Variants in CAPG observed in about 807,000 individuals in gnomAD.
CAPG encodes macrophage-capping protein.
A neutral mutation model predicts 44.6 loss-of-function variants in CAPG; 32 were observed. The observed-to-expected ratio is 0.72, with a 90% CI of 0.54 to 0.96. The LOEUF (loss-of-function observed/expected upper bound fraction) is 0.96. Ranked by LOEUF, CAPG falls within the 50% of genes least tolerant of loss-of-function variation. CAPG has a pLI of 0.00. For synonymous variants in CAPG, 175 were observed against 179.6 expected, an observed-to-expected ratio of 0.97 and a Z score of 0.20; for missense variants, 412 against 438.3, an observed-to-expected ratio of 0.94 and a Z score of 0.54.
chr2:85,398,899 C>T (rs1686741636), intron 6 of CAPG, 117 bp from the exon 7 acceptor site: 3 of 869,662 alleles, frequency 3.4e-6, no homozygotes, highest in Non-Finnish European at 5.3e-6. Flanking sequence ...CTAGGGCACC[C>T]AGCAGAGGTG....
intron 1 of CAPG, among the ~76,000 whole-genome samples, chr2:85,417,250 C>T (rs1687575162): frequency 6.6e-6 from 1 of 152,188 alleles, no homozygotes; most frequent in Non-Finnish European, 1.5e-5. Flanking sequence ...CTCATTTAAT[C>T]CTTGCATTTA....
intron 1 of CAPG, among the ~76,000 whole-genome samples, chr2:85,409,574 C>T (rs987439055): frequency 2.6e-5 from 4 of 152,042 alleles, no homozygotes; most frequent in African/African-American, 9.7e-5. Context: ...TGAAACAGCA[C>T]CTCCACTTCT....
chr2:85,399,011 C>G (rs1686745792), intron 6 of CAPG, 125 bp downstream of exon 6: 1 of 1,134,040 alleles, frequency 8.8e-7, no homozygotes, highest in African/African-American at 1.5e-5. Flanking sequence ...GGCCACAGCC[C>G]TAGGCAGTAC....
At chr2:85,392,322 G>A (rs147613917), downstream of CAPG, among the ~76,000 whole-genome samples, 11 of 152,020 alleles carry the variant, frequency 7.2e-5, no homozygotes, top group Middle Eastern at 3.4e-3. Flanking sequence ...CCCGGGAGGC[G>A]GAGTTTGCAG....
rs184298511 is a variant in CAPG at position 85,396,848 on chromosome 2, T to A, written c.892+1172A>T. 3.1e-3 allele frequency among the ~76,000 whole-genome samples: 469 copies of A among 152,278 alleles called. 7 individuals are homozygous for A. Among genetic ancestry groups the A allele is most frequent in the African/African-American group, 0.011 (449 of 41,564 alleles). ...ATACTATGAAATGCCTGGTAGCAGC[T>A]ATCTGTAGATACCCACCTACTTGTC... On this transcript the variant is annotated intron_variant, in intron 8 of 9. Transcript: ENST00000263867.
In CAPG at chr2:85,401,767, C is replaced by G; in HGVS notation, c.196+18G>C. On this transcript the variant is annotated intron_variant, in intron 3 of 9. Transcript: ENST00000263867. ...TCCCCTTCCTGGGCCCAACCTTCCC[C>G]CATCCAGATCCCCTTACCTATCCAC... The G allele has an allele frequency of 6.2e-7, 1 of 1,613,006 alleles. No homozygotes were observed. The highest frequency in any genetic ancestry group is 8.5e-7 in the Non-Finnish European group (1 of 1,179,046).
intron 1 of CAPG, among the ~76,000 whole-genome samples, chr2:85,417,549 C>G (rs1464334239): frequency 6.9e-6 from 1 of 145,238 alleles, no homozygotes; most frequent in Non-Finnish European, 1.5e-5. Context: ...GTGGCACCAT[C>G]TCGGCTCACT....
intron 1 of CAPG, among the ~76,000 whole-genome samples, chr2:85,406,021 G>A (rs1012023813): frequency 6.6e-6 from 1 of 152,208 alleles, no homozygotes; most frequent in Admixed American, 6.5e-5. Flanking sequence ...GGTTTGGCAG[G>A]CCGGGTGCGG....
rs568811797 is a variant in CAPG at position 85,394,884 on chromosome 2, C to T, written c.*9G>A. 44 of 1,607,534 alleles carry T rather than the reference C, an allele frequency of 2.7e-5. No homozygotes were observed. Among genetic ancestry groups the T allele is most frequent in the East Asian group, 6.7e-5 (3 of 44,860 alleles). Reference sequence around the variant, plus strand: ...GGCAGGGGAGCATGGGGCAGGAAGACGCCCACCCTCATTTCCAGTCCTTGA... The same window carrying T: ...GGCAGGGGAGCATGGGGCAGGAAGATGCCCACCCTCATTTCCAGTCCTTGA... On this transcript the variant is annotated 3_prime_UTR_variant, in exon 10 of 10. Transcript: ENST00000263867.
upstream of CAPG, among the ~76,000 whole-genome samples, chr2:85,412,338 G>A (rs752671618): frequency 3.9e-5 from 6 of 152,064 alleles, no homozygotes; most frequent in East Asian, 1.9e-4. Flanking sequence ...TGGTTAAACC[G>A]CCATCTCTAC....
intron 8 of CAPG, among the ~76,000 whole-genome samples, chr2:85,396,889 G>A (rs766993478): frequency 3.3e-5 from 5 of 152,092 alleles, no homozygotes; most frequent in Non-Finnish European, 7.4e-5. Context: ...TCCTGACCAG[G>A]CTAGGGGCTG....
At position 85,401,918 on chromosome 2, in the gene CAPG, C is replaced by T; in HGVS notation, c.63G>A (p.Leu21=). ...PFPGSVQDPG[L]HVWRVEKLKP... is the part of the protein sequence containing the mutation. The stretch of plus-strand genomic sequence containing the variant: ...TCAGCTTCTCCACCCGCCACACATG[C>T]AGGCCTGGATCCTGCACTGAGCCTG... The change falls in exon 3 of 10, where the codon CTG becomes CTA. Residue 21 remains leucine, a synonymous_variant. Transcript: ENST00000263867. 6.2e-7 allele frequency: 1 copy of T among 1,614,100 alleles called. No homozygotes were observed. The highest frequency in any genetic ancestry group is 8.5e-7 in the Non-Finnish European group (1 of 1,180,026).
chr2:85,400,388 C>A (rs1480677872), intron 5 of CAPG, among the ~76,000 whole-genome samples: 3 of 152,166 alleles, frequency 2.0e-5, no homozygotes, highest in Non-Finnish European at 2.9e-5. Context: ...CACGTGTAGT[C>A]CTCACCAAGA....
upstream of CAPG, among the ~76,000 whole-genome samples, chr2:85,414,817 G>A (rs900214770): frequency 6.6e-6 from 1 of 152,196 alleles, no homozygotes; most frequent in African/African-American, 2.4e-5. Context: ...AGGCCAGCAA[G>A]CATCTGCACC....
upstream of CAPG, chr2:85,413,857 CT>C (rs1247361058): frequency 6.6e-6 from 1 of 152,316 alleles, no homozygotes; most frequent in Non-Finnish European, 1.5e-5. Context: ...CGGCGCGCCC[CT>C]AAGAGAGGAC....
At chr2:85,417,433 G>A (rs1451736941) in intron 1 of CAPG, among the ~76,000 whole-genome samples, 1 of 150,926 alleles carries the variant, frequency 6.6e-6, no homozygotes, top group Non-Finnish European at 1.5e-5. Flanking sequence ...CCGCATGCTA[G>A]TGCCAGTTGT....
At chr2:85,397,932 A>C in intron 8 of CAPG, 88 bp downstream of exon 8, 1 of 1,335,988 alleles carries the variant, frequency 7.5e-7, no homozygotes, top group South Asian at 1.3e-5. Flanking sequence ...TTTTACAAGC[A>C]GCTAGACAGG....
upstream of CAPG, among the ~76,000 whole-genome samples, chr2:85,412,011 G>A (rs1166775164): frequency 2.0e-5 from 3 of 151,582 alleles, no homozygotes; most frequent in Admixed American, 6.6e-5. Context: ...GCAGAGAGCC[G>A]AGATGGCGCC....
Position 85,398,763 on chromosome 2 carries a change from G to C in CAPG, c.686C>G (p.Ala229Gly), listed in dbSNP as rs1159137719. The C allele has an allele frequency of 6.2e-7, 1 of 1,605,884 alleles. No homozygotes were observed. The highest frequency in any genetic ancestry group is 8.5e-7 in the Non-Finnish European group (1 of 1,176,264). Residue 229 changes from alanine to glycine, a missense_variant, in exon 7 of 10, where the codon GCT (alanine) becomes GGT (glycine). Transcript: ENST00000263867. ...EMIQVLGPKP[A>G]LKEGNPEEDL... ...TTCCTCAGGGTTGCCCTCCTTCAGA[G>C]CAGGCTTGGGGCCCAGGACCTGCAG... is the stretch of plus-strand genomic sequence containing the variant.
Sources: allele counts gnomAD v4.1 joint callset (sites outside exome capture counted in the v4.1 genomes callset), GRCh38; gene constraint gnomAD v4.1.1; transcripts MANE v1.5; gene names NCBI Gene and HGNC (gene_info 2026-07-23, HGNC 2026-07-21).